The following SLC41A3 variants were observed in gnomAD, a reference collection of about 807,000 sequenced individuals.
The protein encoded by SLC41A3 is SLC41A1-like 2.
In SLC41A3, 44 loss-of-function variants were observed where a neutral mutation model predicts 45.4. The observed-to-expected ratio is 0.97, with a 90% CI of 0.76 to 1.25. The LOEUF (loss-of-function observed/expected upper bound fraction) is 1.25, where lower values mean the gene tolerates loss of function less well. SLC41A3 is among the 50% of genes most tolerant of loss of function. SLC41A3 has a pLI of 0.00. For missense variants in SLC41A3, 550 were observed against 600.6 expected, an observed-to-expected ratio of 0.92 and a Z score of 0.88; for synonymous variants, 256 against 252.4, an observed-to-expected ratio of 1.01 and a Z score of -0.13.
chr3:126,053,191 G>C (rs898789331), intron 2 of SLC41A3, among the ~76,000 whole-genome samples: 10 of 152,192 alleles, frequency 6.6e-5, no homozygotes, highest in African/African-American at 2.4e-4. Flanking sequence ...TGTCTTTAAT[G>C]AGATAATTAA....
intron 2 of SLC41A3, among the ~76,000 whole-genome samples, chr3:126,055,830 C>T (rs1195082908): frequency 1.3e-5 from 2 of 152,114 alleles, no homozygotes; most frequent in Non-Finnish European, 2.9e-5. Flanking sequence ...CACCTGCACC[C>T]CCAGGGCTGC....
chr3:126,059,278 GAA>G (rs1353606144), intron 2 of SLC41A3, among the ~76,000 whole-genome samples: 1 of 140,508 alleles, frequency 7.1e-6, no homozygotes, highest in Non-Finnish European at 1.6e-5. Context: ...AAGAAAGAAA[GAA>G]AGAAAGAAAG....
chr3:126,055,930 C>T (rs990978021), intron 2 of SLC41A3, among the ~76,000 whole-genome samples: 4 of 152,196 alleles, frequency 2.6e-5, no homozygotes, highest in Non-Finnish European at 4.4e-5. Flanking sequence ...AGCATACAGA[C>T]TCAGTCATCT....
At position 126,026,479 on chromosome 3, in the gene SLC41A3, C is replaced by T. The variant is rs1156993598; in HGVS notation, c.454G>A (p.Val152Met). 1.2e-6 allele frequency: 2 copies of T among 1,600,530 alleles called. No individual in the cohort carries two copies. Among genetic ancestry groups the T allele is most frequent in the Non-Finnish European group, 1.7e-6 (2 of 1,173,070 alleles). Residue 152 changes from valine (V) to methionine (M), a missense_variant and splice_region_variant, in exon 5 of 11, where the codon GTG becomes ATG. Physicochemically the swap from Val to Met is conservative, Grantham distance 21. Coordinates refer to ENST00000360370, the MANE Select transcript of SLC41A3 (RefSeq NM_017836.4). The surrounding 1 kb of genome is among the most constrained non-coding windows in gnomAD (Gnocchi z 4.2). ...AAGAGCCCCACGACAGTGGCCTGCA[C>T]CTGTTGGACAGAAATCAGAAGCATG... ...VISSNLALIQVQATVVGLLAA... is the reference protein window; with the variant it reads ...VISSNLALIQMQATVVGLLAA...
intron 1 of SLC41A3, among the ~76,000 whole-genome samples, chr3:126,096,351 A>G (rs926386808): frequency 1.3e-5 from 2 of 152,078 alleles, no homozygotes; most frequent in Admixed American, 1.3e-4. Context: ...ATCAATTTGC[A>G]AATCAAAAAA....
At chr3:126,020,503 C>T (rs910694977) in intron 6 of SLC41A3, among the ~76,000 whole-genome samples, 2 of 152,208 alleles carry the variant, frequency 1.3e-5, no homozygotes, top group Admixed American at 6.5e-5. Context: ...ATTTTCCCGC[C>T]GTTTCCATTT....
At chr3:126,086,897 T>TA (rs1945405619), upstream of SLC41A3, among the ~76,000 whole-genome samples, 1 of 152,186 alleles carries the variant, frequency 6.6e-6, no homozygotes, top group Admixed American at 6.5e-5. Context: ...TTAGCTTAAG[T>TA]AAAAATAAAA....
At chr3:126,012,184 C>A (rs75069750) in intron 9 of SLC41A3, among the ~76,000 whole-genome samples, 14 of 152,318 alleles carry the variant, frequency 9.2e-5, no homozygotes, top group African/African-American at 3.4e-4. Context: ...TCTTCTCTTG[C>A]CCTCCTCCTC....
Position 126,012,698 on chromosome 3 carries a change from A to G in SLC41A3, c.1022T>C (p.Leu341Pro). 1 of 1,614,202 alleles carries G rather than the reference A, an allele frequency of 6.2e-7. No homozygotes were observed. Among genetic ancestry groups the G allele is most frequent in the Non-Finnish European group, 8.5e-7 (1 of 1,180,042 alleles). Residue 341 changes from leucine (L) to proline (P), a missense_variant, in exon 9 of 11, where the codon CTG becomes CCG. Leu to Pro is a moderately conservative substitution (Grantham distance 98, BLOSUM62 -3). Coordinates refer to ENST00000360370, the MANE Select transcript of SLC41A3 (RefSeq NM_017836.4). ...AIQTSRISTY[L>P]HMWSAPGVLP... ...GACGCCAGGTGCACTCCACATGTGC[A>G]GGTAGGTTGAGATTCGGCTGGTCTG... is the stretch of plus-strand genomic sequence containing the variant.
intron 6 of SLC41A3, among the ~76,000 whole-genome samples, chr3:126,017,081 A>G (rs952894442): frequency 6.6e-6 from 1 of 152,320 alleles, no homozygotes; most frequent in Admixed American, 6.5e-5. Flanking sequence ...TTCCTGCCAC[A>G]TTCAACTCCA....
rs6438964 is a variant in SLC41A3, at chr3:126,056,585, G to A, written c.274-5535C>T. 0.69 allele frequency: 1,099,834 copies of A among 1,599,548 alleles called. 379,585 individuals are homozygous for A. The highest frequency in any genetic ancestry group is 0.74 in the Admixed American group (43,736 of 59,076). On this transcript the variant is annotated intron_variant, in intron 2 of 10. Coordinates refer to ENST00000360370, the MANE Select transcript of SLC41A3 (RefSeq NM_017836.4). ...CAATGCACCACGATCCCAGGAGCAC[G>A]AAGTCAGAGCCTGGGGTGCTCCAGT... is the stretch of plus-strand genomic sequence containing the variant.
intron 2 of SLC41A3, among the ~76,000 whole-genome samples, chr3:126,065,144 T>C (rs918618104): frequency 4.6e-5 from 7 of 152,220 alleles, no homozygotes; most frequent in African/African-American, 1.7e-4. Context: ...AAGACAGGAC[T>C]ATGCTTAGAA....
At chr3:126,064,125 C>A (rs1352396669) in intron 2 of SLC41A3, among the ~76,000 whole-genome samples, 1 of 151,938 alleles carries the variant, frequency 6.6e-6, no homozygotes, top group Non-Finnish European at 1.5e-5. Context: ...AAGCTGGCAT[C>A]GAGGCATCAA....
At chr3:126,093,122 C>A (rs1391597467) in intron 1 of SLC41A3, among the ~76,000 whole-genome samples, 2 of 152,112 alleles carry the variant, frequency 1.3e-5, no homozygotes, top group Non-Finnish European at 2.9e-5. Flanking sequence ...TTAGAATACA[C>A]CCTCCAGATC....
At chr3:126,072,839 A>G (rs1174617913) in intron 1 of SLC41A3, among the ~76,000 whole-genome samples, 1 of 152,230 alleles carries the variant, frequency 6.6e-6, no homozygotes, top group Non-Finnish European at 1.5e-5. Context: ...TCGCAGCACT[A>G]TTCACAATAG....
chr3:126,029,550 C>T (rs1041268756), intron 4 of SLC41A3, among the ~76,000 whole-genome samples: 2 of 152,180 alleles, frequency 1.3e-5, no homozygotes. Context: ...ATAAATTACC[C>T]AGTCTCAGAT....
chr3:126,086,974 T>A (rs1175413428), upstream of SLC41A3, among the ~76,000 whole-genome samples: 1 of 152,180 alleles, frequency 6.6e-6, no homozygotes, highest in African/African-American at 2.4e-5. Context: ...AGTAAAATAT[T>A]TAATAAATAA....
At chr3:126,068,335 A>T in intron 1 of SLC41A3, 89 bp from the exon 2 acceptor site, 1 of 1,280,234 alleles carries the variant, frequency 7.8e-7, no homozygotes, top group Non-Finnish European at 1.0e-6. Flanking sequence ...GTCCAGCCCC[A>T]GGCCGGCATG....
intron 8 of SLC41A3, among the ~76,000 whole-genome samples, chr3:126,013,133 GA>G (rs755658668): frequency 1.3e-5 from 2 of 152,274 alleles, no homozygotes; most frequent in East Asian, 3.9e-4. Flanking sequence ...AGGCAGTCTG[GA>G]TAAGTCAGAC....
Sources: allele counts gnomAD v4.1 joint callset (sites outside exome capture counted in the v4.1 genomes callset), GRCh38; gene constraint gnomAD v4.1.1; non-coding constraint Gnocchi (gnomAD v3.1); transcripts MANE v1.5; gene names NCBI Gene and HGNC (gene_info 2026-07-23, HGNC 2026-07-21).